TMEM87A: variants seen among roughly 807,000 people sequenced by gnomAD.
The protein encoded by TMEM87A is Golgi-pH regulating cation channel.
In TMEM87A, 50 loss-of-function variants were observed where a neutral mutation model predicts 90.0. The ratio of observed to expected loss-of-function variants is 0.56; its 90% confidence interval spans 0.44 to 0.70. The LOEUF is 0.70. Among genes scored for constraint, TMEM87A ranks in the 30% least tolerant of loss-of-function variants. The pLI, the probability that TMEM87A is intolerant of heterozygous loss-of-function variation, is 0.00. For missense variants in TMEM87A, 577 were observed against 660.5 expected (o/e 0.87, Z 1.39); for synonymous variants, 226 against 226.7 (o/e 1.00, Z 0.03).
intron 15 of TMEM87A, 130 bp downstream of exon 15, chr15:42,226,676 T>G (rs2050600855): frequency 1.3e-6 from 1 of 758,958 alleles, no homozygotes; most frequent in Non-Finnish European, 2.2e-6. Flanking sequence ...AGGAACCCAG[T>G]TCTTCTGATT....
At chr15:42,231,146 A>C (rs2050679386) in intron 12 of TMEM87A, 46 bp downstream of exon 12, 1 of 1,539,832 alleles carries the variant, frequency 6.5e-7, no homozygotes, top group Non-Finnish European at 8.8e-7. Context: ...ACCCATCTCA[A>C]GGGGAGAAAA....
chr15:42,233,304 G>A lies in TMEM87A; in HGVS notation c.971C>T (p.Pro324Leu), dbSNP rs764328775. ...IVSLGYGIVK[P>L]RLGVTLHKVV... ...CTTATGAAGAGTGACTCCAAGGCGT[G>A]GCCTAAAGAGGAAGCAAGGAGATAT... Residue 324 changes from proline (P) to leucine (L), a missense_variant and splice_region_variant, in exon 11 of 20, where the codon CCA becomes CTA. By Grantham distance (98) the Pro-to-Leu change is moderately conservative (BLOSUM62 -3). Transcript: ENST00000389834. 3 of 1,612,714 alleles carry A rather than the reference G, an allele frequency of 1.9e-6. No individual in the cohort carries two copies. The highest frequency in any genetic ancestry group is 3.3e-5 in the Admixed American group (2 of 59,836).
chr15:42,264,482 C>G (rs1166874857), intron 3 of TMEM87A, among the ~76,000 whole-genome samples: 5 of 152,028 alleles, frequency 3.3e-5, no homozygotes, highest in Non-Finnish European at 7.4e-5. Context: ...AGGGTTTTGT[C>G]ACATTAAAAT....
At chr15:42,238,892 TA>T (rs2050822883) in intron 8 of TMEM87A, among the ~76,000 whole-genome samples, 1 of 151,090 alleles carries the variant, frequency 6.6e-6, no homozygotes, top group Non-Finnish European at 1.5e-5. Context: ...ACGGGAAAAC[TA>T]TTAAAGGGAA....
At chr15:42,232,484 C>CT (rs1194972171) in intron 11 of TMEM87A, among the ~76,000 whole-genome samples, 1 of 151,128 alleles carries the variant, frequency 6.6e-6, no homozygotes, top group Non-Finnish European at 1.5e-5. Flanking sequence ...ATTTTTTTTT[C>CT]TTTTTTTGAG....
intron 7 of TMEM87A, among the ~76,000 whole-genome samples, chr15:42,242,353 C>G (rs565491154): frequency 3.3e-5 from 5 of 152,234 alleles, no homozygotes; most frequent in Admixed American, 2.0e-4. Flanking sequence ...CAGAGCCAGG[C>G]TGGATGCATG....
intron 4 of TMEM87A, among the ~76,000 whole-genome samples, chr15:42,261,553 AT>A (rs1428457168): frequency 6.6e-6 from 1 of 152,186 alleles, no homozygotes; most frequent in African/African-American, 2.4e-5. Context: ...AGCTTAGATC[AT>A]TTCCCCTCAT....
intron 16 of TMEM87A, 110 bp downstream of exon 16, chr15:42,219,952 G>A (rs2050445147): frequency 9.6e-7 from 1 of 1,043,726 alleles, no homozygotes; most frequent in Non-Finnish European, 1.4e-6. Context: ...TCTTAACCCT[G>A]ACTTCATCCC....
chr15:42,213,442 T>A (rs1006730506), intron 19 of TMEM87A, among the ~76,000 whole-genome samples: 2 of 152,096 alleles, frequency 1.3e-5, no homozygotes, highest in African/African-American at 4.8e-5. Flanking sequence ...ACTGTGAAAA[T>A]GTTCCAACTT....
At chr15:42,245,873 T>C (rs568439168) in intron 6 of TMEM87A, among the ~76,000 whole-genome samples, 1 of 152,324 alleles carries the variant, frequency 6.6e-6, no homozygotes, top group African/African-American at 2.4e-5. Flanking sequence ...CCCTATCAGA[T>C]AGGTATTAAC....
chr15:42,221,968 T>G (rs2050495054), intron 15 of TMEM87A, among the ~76,000 whole-genome samples: 1 of 152,132 alleles, frequency 6.6e-6, no homozygotes. Context: ...TTGCCAGGGC[T>G]GGTCTCAAAC....
intron 8 of TMEM87A, 57 bp from the exon 9 acceptor site, chr15:42,237,672 G>T: frequency 3.8e-6 from 5 of 1,324,980 alleles, no homozygotes; most frequent in Non-Finnish European, 5.0e-6. Flanking sequence ...AGCCAAGTCT[G>T]TAGATTTAGA....
Position 42,269,572 on chromosome 15 carries a change from GGAAATTTGGCAGCA to G in TMEM87A, c.206-1554_206-1541del, listed in dbSNP as rs549547420. Among the ~76,000 whole-genome samples the G allele has an allele frequency of 2.0e-4, 31 of 152,226 alleles. No individual in the cohort carries two copies. The South Asian group carries it at 4.3e-3, about 21-fold the overall frequency. On this transcript the variant is annotated intron_variant, in intron 2 of 19. Coordinates refer to ENST00000389834, the MANE Select transcript of TMEM87A (RefSeq NM_015497.5). ...CATCCCCCAAACAGGAGACTTGTAAGGAAATTTGGCAGCAAAAATACTGCTGTTTATGTTACAAG... is the reference window on the plus strand; with the variant it reads ...CATCCCCCAAACAGGAGACTTGTAAGAAAATACTGCTGTTTATGTTACAAG...
intron 6 of TMEM87A, among the ~76,000 whole-genome samples, chr15:42,245,891 T>A (rs28540921): frequency 6.6e-6 from 1 of 152,194 alleles, no homozygotes; most frequent in African/African-American, 2.4e-5. Context: ...AACTCCTTTG[T>A]AAACTAAGGT....
At chr15:42,262,023 C>G (rs530952186) in intron 4 of TMEM87A, 2 of 152,378 alleles carry the variant, frequency 1.3e-5, no homozygotes, top group East Asian at 3.9e-4. Flanking sequence ...AATTATCTTT[C>G]TTACCAGTTA....
At chr15:42,267,434 T>C (rs1050008567) in intron 3 of TMEM87A, among the ~76,000 whole-genome samples, 2 of 152,196 alleles carry the variant, frequency 1.3e-5, no homozygotes, top group Non-Finnish European at 2.9e-5. Flanking sequence ...TAAAATACCA[T>C]TCCTTTTCCC....
chr15:42,256,996 G>T (rs1320510225), intron 6 of TMEM87A, among the ~76,000 whole-genome samples: 2 of 152,182 alleles, frequency 1.3e-5, no homozygotes, highest in African/African-American at 4.8e-5. Context: ...GGGGTTACAG[G>T]TGTGAGCCAC....
chr15:42,268,965 A>G (rs2051459347), intron 2 of TMEM87A, among the ~76,000 whole-genome samples: 1 of 152,198 alleles, frequency 6.6e-6, no homozygotes, highest in East Asian at 1.9e-4. Flanking sequence ...AAAAGCAAAC[A>G]TGGCTGTGGA....
At chr15:42,253,107 C>T (rs566675118) in intron 6 of TMEM87A, among the ~76,000 whole-genome samples, 3 of 152,096 alleles carry the variant, frequency 2.0e-5, no homozygotes, top group Non-Finnish European at 4.4e-5. Context: ...GAGCCAAAGA[C>T]AAAAAAGAAC....
Sources: allele counts gnomAD v4.1 joint callset (sites outside exome capture counted in the v4.1 genomes callset), GRCh38; gene constraint gnomAD v4.1.1; transcripts MANE v1.5; gene names NCBI Gene and HGNC (gene_info 2026-07-23, HGNC 2026-07-21).